The following PCDHA8 variants were observed in gnomAD, a reference collection of about 807,000 sequenced individuals.
The protein encoded by PCDHA8 is protocadherin alpha 8.
Under a neutral mutation model 61.8 loss-of-function variants are expected in PCDHA8, and 53 were observed. The ratio of observed to expected loss-of-function variants is 0.86; its 90% CI spans 0.69 to 1.08. The LOEUF (loss-of-function observed/expected upper bound fraction) is 1.08, where lower values mean the gene tolerates loss of function less well. Among genes scored for constraint, PCDHA8 ranks in the 50% least tolerant of loss-of-function variants. The pLI is 0.00. For missense variants in PCDHA8, 1,293 were observed against 1,245.0 expected (o/e 1.04, Z -0.58); for synonymous variants, 618 against 556.6 (o/e 1.11, Z -1.55).
intron 1 of PCDHA8, among the ~76,000 whole-genome samples, chr5:140,971,061 G>A (rs2096454888): frequency 6.6e-6 from 1 of 152,154 alleles, no homozygotes; most frequent in Non-Finnish European, 1.5e-5. Context: ...TTTAAATAAG[G>A]TTGCTGTAGA....
Position 140,841,805 on chromosome 5 carries a change from G to A in PCDHA8, c.484G>A (p.Val162Ile). 1 of 1,613,936 alleles carries A rather than the reference G, an allele frequency of 6.2e-7. No homozygotes were observed. Among genetic ancestry groups the A allele is most frequent in the Non-Finnish European group, 8.5e-7 (1 of 1,179,874 alleles). Residue 162 changes from valine (V) to isoleucine (I), a missense_variant, in exon 1 of 4, where the codon GTT becomes ATT. By Grantham distance (29) the Val-to-Ile change is conservative. Transcript: ENST00000531613. The part of the protein sequence containing the change: ...FPLEGASDAD[V>I]GANSVLTYRL... ...GCTAGAGGGCGCGTCCGATGCAGAT[G>A]TTGGAGCTAACTCCGTGTTAACCTA...
chr5:140,851,536 A>G, intron 1 of PCDHA8: 1 of 906,554 alleles, frequency 1.1e-6, no homozygotes, highest in African/African-American at 1.8e-5. Context: ...GACAATGTAG[A>G]TAATTCAAGA....
At chr5:140,998,347 T>C (rs2097807005) in intron 3 of PCDHA8, among the ~76,000 whole-genome samples, 1 of 152,202 alleles carries the variant, frequency 6.6e-6, no homozygotes, top group Non-Finnish European at 1.5e-5. Context: ...TCTGAGTCTG[T>C]GCTCTTAACC....
intron 1 of PCDHA8, among the ~76,000 whole-genome samples, chr5:140,971,717 T>C (rs2096494226): frequency 6.6e-6 from 1 of 152,012 alleles, no homozygotes; most frequent in Non-Finnish European, 1.5e-5. Flanking sequence ...TATAGATATA[T>C]GTATATCATA....
intron 1 of PCDHA8, chr5:140,865,436 C>T (rs544302848): frequency 5.3e-5 from 8 of 152,322 alleles, no homozygotes; most frequent in Admixed American, 5.2e-4. Context: ...AGAAAAATAA[C>T]TTCTGAGAAG....
At chr5:140,863,267 C>T in intron 1 of PCDHA8, 1 of 1,457,902 alleles carries the variant, frequency 6.9e-7, no homozygotes, top group Non-Finnish European at 9.3e-7. Flanking sequence ...CGGGAGGCAG[C>T]GCTGGTGGAT....
chr5:140,983,101 C>T (rs1047738074), intron 3 of PCDHA8, among the ~76,000 whole-genome samples: 2 of 152,228 alleles, frequency 1.3e-5, no homozygotes, highest in African/African-American at 4.8e-5. Flanking sequence ...ATCTGCTTCT[C>T]TCTGCACATC....
At chr5:140,850,622 C>G in intron 1 of PCDHA8, 1 of 1,598,590 alleles carries the variant, frequency 6.3e-7, no homozygotes, top group Non-Finnish European at 8.6e-7. Flanking sequence ...CGGTGTCTAG[C>G]CTGTTGGTTC....
chr5:140,892,555 T>C (rs1554185273), intron 1 of PCDHA8, among the ~76,000 whole-genome samples: 1 of 152,260 alleles, frequency 6.6e-6, no homozygotes, highest in African/African-American at 2.4e-5. Context: ...TCTCTAGTCC[T>C]TGGAGACTGT....
At chr5:140,978,862 T>C (rs750080921) in intron 1 of PCDHA8, 87 bp from the exon 2 acceptor site, 138 of 1,599,976 alleles carry the variant, frequency 8.6e-5, no homozygotes, top group Non-Finnish European at 1.1e-4. Flanking sequence ...CTGGAAATAT[T>C]TAAGGGAGTA....
chr5:140,849,488 T>C, intron 1 of PCDHA8: 2 of 1,592,030 alleles, frequency 1.3e-6, no homozygotes, highest in South Asian at 1.1e-5. Flanking sequence ...CACCCCTGGC[T>C]GGTCATTGTA....
chr5:140,987,523 T>C (rs942927324), intron 3 of PCDHA8, among the ~76,000 whole-genome samples: 1 of 152,174 alleles, frequency 6.6e-6, no homozygotes, highest in Non-Finnish European at 1.5e-5. Context: ...AGTAATTGTA[T>C]GTTCCTGGGA....
intron 1 of PCDHA8, among the ~76,000 whole-genome samples, chr5:140,846,369 CTTTCTTTTTTTT>C (rs1156484325): frequency 9.8e-6 from 1 of 102,192 alleles, no homozygotes; most frequent in Non-Finnish European, 2.0e-5. Flanking sequence ...TCTTTTCTTT[CTTTCTTTTTTTT>C]TTTTTTTTTT....
intron 1 of PCDHA8, among the ~76,000 whole-genome samples, chr5:140,887,278 A>G (rs782205714): frequency 5.9e-5 from 9 of 151,950 alleles, no homozygotes; most frequent in Non-Finnish European, 8.8e-5. Flanking sequence ...TTGTATTTTT[A>G]GTAGAGATGG....
rs2150363353 is a variant in PCDHA8 at position 140,843,609 on chromosome 5, G to A, written c.2288G>A (p.Gly763Glu). The A allele has an allele frequency of 1.3e-6, 2 of 1,596,016 alleles. No homozygotes were observed. Among genetic ancestry groups the A allele is most frequent in the Non-Finnish European group, 1.7e-6 (2 of 1,165,520 alleles). ...QQPQRVCSGEGPPKTDLMAFS... is the reference protein window; with the variant it reads ...QQPQRVCSGEEPPKTDLMAFS... ...CCGCAGAGGGTGTGCTCTGGTGAGGGGCCACCGAAGACGGACCTCATGGCC... is the reference window on the plus strand; with the variant it reads ...CCGCAGAGGGTGTGCTCTGGTGAGGAGCCACCGAAGACGGACCTCATGGCC... Residue 763 changes from glycine to glutamate, a missense_variant, in exon 1 of 4, where the codon GGG becomes GAG. Transcript: ENST00000531613.
At chr5:140,860,205 A>G (rs1007227708) in intron 1 of PCDHA8, 2 of 149,744 alleles carry the variant, frequency 1.3e-5, no homozygotes, top group East Asian at 3.9e-4. Flanking sequence ...ATATATCTAT[A>G]TATGTACTTA....
intron 1 of PCDHA8, chr5:140,875,642 C>A: frequency 6.2e-7 from 1 of 1,613,606 alleles, no homozygotes; most frequent in Non-Finnish European, 8.5e-7. Flanking sequence ...CTGGAGCTGG[C>A]GGAGCTGGTG....
chr5:140,886,023 C>A (rs759768435), intron 1 of PCDHA8, among the ~76,000 whole-genome samples: 5 of 152,078 alleles, frequency 3.3e-5, no homozygotes, highest in Non-Finnish European at 7.4e-5. Flanking sequence ...GCTATGTATT[C>A]TTCACTAAGT....
chr5:141,011,228 A>T lies in PCDHA8; in HGVS notation c.*1291A>T, dbSNP rs2098419864. 1 of 153,664 alleles carries T rather than the reference A, an allele frequency of 6.5e-6. No homozygotes were observed. The highest frequency in any genetic ancestry group is 1.5e-5 in the Non-Finnish European group (1 of 68,016). 9.5% of individuals were successfully genotyped at this position (153,664 alleles called of 1,614,324 possible). On this transcript the variant is annotated 3_prime_UTR_variant, in exon 4 of 4. Coordinates refer to ENST00000531613, the MANE Select transcript of PCDHA8 (RefSeq NM_018911.3). The stretch of plus-strand genomic sequence containing the variant: ...CAGTGAGCAGATTTTTCAATCTACT[A>T]ATTCTGTGACTTGTCTTGGTGTGCT...
Sources: gnomAD v4.1 joint callset for allele counts (sites outside exome capture counted in the v4.1 genomes callset) on GRCh38, gnomAD v4.1.1 for gene constraint, MANE v1.5 for transcripts, NCBI Gene and HGNC (gene_info 2026-07-23, HGNC 2026-07-21) for gene names.